Variants in SPNS1 observed in about 807,000 individuals in gnomAD.
The protein encoded by SPNS1 is protein spinster homolog 1.
A neutral mutation model predicts 50.3 loss-of-function variants in SPNS1; 22 were observed. That is an observed-to-expected ratio of 0.44 (90% CI 0.31 to 0.62). The LOEUF is 0.62. Among genes scored for constraint, SPNS1 ranks in the 20% least tolerant of loss-of-function variants. The pLI, the probability that SPNS1 is intolerant of heterozygous loss-of-function variation, is 0.07. For missense variants in SPNS1, 576 were observed against 728.6 expected, an observed-to-expected ratio of 0.79 and a Z score of 2.41; for synonymous variants, 295 against 317.4, an observed-to-expected ratio of 0.93 and a Z score of 0.75.
At position 28,983,324 on chromosome 16, in the gene SPNS1, T is replaced by C. The variant is rs1965623226; in HGVS notation, c.1320+34T>C. 6.4e-7 allele frequency: 1 copy of C among 1,565,464 alleles called. No homozygotes were observed. The highest frequency in any genetic ancestry group is 1.7e-5 in the Admixed American group (1 of 59,916). On this transcript the variant is annotated intron_variant, in intron 10 of 11. Coordinates refer to ENST00000311008, the MANE Select transcript of SPNS1 (RefSeq NM_032038.3). This position sits in a 1 kb window ranked among gnomAD's most constrained non-coding sequence, Gnocchi z 5.4. ...TATTTCTTGGCTGGCATGGGGTGGCTGGTGTCCTGAGCCTGGGCTGGATCA... is the reference window on the plus strand; with the variant it reads ...TATTTCTTGGCTGGCATGGGGTGGCCGGTGTCCTGAGCCTGGGCTGGATCA...
Position 28,974,916 on chromosome 16 carries a change from C to A in SPNS1, c.-236C>A, listed in dbSNP as rs1364858624. 5.9e-6 allele frequency: 9 copies of A among 1,520,944 alleles called. No individual in the cohort carries two copies. In the East Asian group the frequency reaches 2.2e-4, roughly 37 times the overall value. 94.2% of individuals were successfully genotyped at this position (1,520,944 alleles called of 1,614,324 possible). A position where few individuals can be genotyped will look rare whatever the true frequency, so the allele number is the denominator to read the frequency against. Reference sequence around the variant, plus strand: ...TGCCCTCTTCAGCCCGCTCCTGTCCCCGACATCACGTGTATTCCGCACGTC... The same window carrying A: ...TGCCCTCTTCAGCCCGCTCCTGTCCACGACATCACGTGTATTCCGCACGTC... On this transcript the variant is annotated 5_prime_UTR_variant, in exon 1 of 12. Transcript: ENST00000311008.
chr16:28,978,324 CT>C, intron 3 of SPNS1: 1 of 345,674 alleles, frequency 2.9e-6, no homozygotes, highest in Non-Finnish European at 5.4e-6. Context: ...CCCTCTCTCC[CT>C]CCTCTCATTC....
rs1965638525 is a variant in SPNS1 at position 28,983,635 on chromosome 16, G to A, written c.1321-151G>A. On this transcript the variant is annotated intron_variant, in intron 10 of 11. Transcript: ENST00000311008. The surrounding 1 kb of genome is among the most constrained non-coding windows in gnomAD (Gnocchi z 5.4). ...TCCCACCTCAGCCTCCTGAGTAGCT[G>A]GGATGATAGGCATGAGCCACTGCAT... 3 of 927,298 alleles carry A rather than the reference G, an allele frequency of 3.2e-6. No homozygotes were observed. Among genetic ancestry groups the A allele is most frequent in the Non-Finnish European group, 3.2e-6 (2 of 627,708 alleles). 57.4% of individuals were successfully genotyped at this position (927,298 alleles called of 1,614,324 possible).
chr16:28,978,086 C>T, intron 3 of SPNS1, 42 bp downstream of exon 3: 5 of 1,598,084 alleles, frequency 3.1e-6, no homozygotes, highest in Non-Finnish European at 4.3e-6. Context: ...CACACCCCCT[C>T]CCTGTCAGTC....
Position 28,982,023 on chromosome 16 carries a change from G to T in SPNS1, c.932G>T (p.Cys311Phe). The T allele has an allele frequency of 6.2e-7, 1 of 1,614,170 alleles. No homozygotes were observed. Among genetic ancestry groups the T allele is most frequent in the Non-Finnish European group, 8.5e-7 (1 of 1,180,036 alleles). The change falls in exon 7 of 12, where the codon TGC becomes TTC. Residue 311 changes from cysteine (C) to phenylalanine (F), a missense_variant. Cys to Phe is a radical substitution (Grantham distance 205). Transcript: ENST00000311008. ...GTGGTCCTTGGGGAGACCCCACCCT[G>T]CCTTCCCGGAGACTCCTGCTCTTCC... ...SRVVLGETPP[C>F]LPGDSCSSSD...
rs1965604495 is a variant in SPNS1 at position 28,982,890 on chromosome 16, A to C, written c.1189A>C (p.Met397Leu). The C allele has an allele frequency of 6.2e-7, 1 of 1,613,706 alleles. No individual in the cohort carries two copies. Among genetic ancestry groups the C allele is most frequent in the African/African-American group, 1.3e-5 (1 of 74,898 alleles). The part of the protein sequence containing the change: ...FIFIGETLLS[M>L]NWAIVADILL... ...CTTCATTGGAGAGACCCTCCTGTCCATGAACTGGGCCATCGTGGCCGACAT... is the reference window on the plus strand; with the variant it reads ...CTTCATTGGAGAGACCCTCCTGTCCCTGAACTGGGCCATCGTGGCCGACAT... Residue 397 changes from methionine to leucine, a missense_variant, in exon 9 of 12, where the codon ATG becomes CTG. Physicochemically the swap from Met to Leu is conservative, Grantham distance 15 (BLOSUM62 2). Transcript: ENST00000311008.
At chr16:28,984,021 C>T (rs1447867597) in intron 11 of SPNS1, 64 bp downstream of exon 11, 2 of 1,507,688 alleles carry the variant, frequency 1.3e-6, no homozygotes, top group Non-Finnish European at 1.8e-6. Flanking sequence ...CATCTGTCTG[C>T]CCACTCCTGT....
intron 2 of SPNS1, among the ~76,000 whole-genome samples, chr16:28,975,889 C>T (rs1237982351): frequency 1.3e-5 from 2 of 152,192 alleles, no homozygotes; most frequent in African/African-American, 4.8e-5. Flanking sequence ...TAACACGAAT[C>T]ATCTCTTAGG....
chr16:28,983,940 C>A lies in SPNS1; in HGVS notation c.1475C>A (p.Ala492Glu), dbSNP rs763513365. The A allele has an allele frequency of 6.3e-7, 1 of 1,589,332 alleles. No individual in the cohort carries two copies. Among genetic ancestry groups the A allele is most frequent in the Admixed American group, 1.7e-5 (1 of 58,082 alleles). The change falls in exon 11 of 12, where the codon GCA (alanine) becomes GAA (glutamate). Residue 492 changes from alanine (A) to glutamate (E), a missense_variant. Physicochemically the swap from Ala to Glu is moderately radical, Grantham distance 107. Coordinates refer to ENST00000311008, the MANE Select transcript of SPNS1 (RefSeq NM_032038.3). The surrounding 1 kb of genome is among the most constrained non-coding windows in gnomAD (Gnocchi z 5.4). ...TTCATTGAGGCCGACCGCCGGCGGGCACAGCTGCACGTGCAGGGTCAGTTA... is the reference window on the plus strand; with the variant it reads ...TTCATTGAGGCCGACCGCCGGCGGGAACAGCTGCACGTGCAGGGTCAGTTA... ...AIFIEADRRR[A>E]QLHVQGLLHE...
chr16:28,982,788 T>A (rs1965598495), intron 8 of SPNS1, 69 bp from the exon 9 acceptor site: 1 of 1,548,642 alleles, frequency 6.5e-7, no homozygotes, highest in African/African-American at 1.4e-5. Context: ...ATAGATGAGC[T>A]GGGAACATGG....
chr16:28,984,698 TC>T, downstream of SPNS1: 1 of 688,912 alleles, frequency 1.5e-6, no homozygotes, highest in Middle Eastern at 2.4e-4. Context: ...ACTGCTCTTC[TC>T]CGAGTGAGCT....
intron 2 of SPNS1, among the ~76,000 whole-genome samples, chr16:28,975,902 T>G (rs756078680): frequency 1.1e-4 from 17 of 152,186 alleles, no homozygotes; most frequent in Non-Finnish European, 2.1e-4. Context: ...CTCTTAGGAC[T>G]GATGTGAAGA....
At chr16:28,978,123 C>T in intron 3 of SPNS1, 79 bp downstream of exon 3, 1 of 1,549,684 alleles carries the variant, frequency 6.5e-7, no homozygotes, top group Non-Finnish European at 8.7e-7. Flanking sequence ...GGAGCTATGG[C>T]AGACTGGGCC....
intron 3 of SPNS1, chr16:28,978,430 C>T (rs773803533): frequency 5.4e-5 from 10 of 186,468 alleles, no homozygotes; most frequent in Non-Finnish European, 1.1e-4. Flanking sequence ...CACTTCCTCA[C>T]GCCTGCTCAC....
Position 28,983,069 on chromosome 16 carries a change from C to T in SPNS1, c.1222-123C>T, listed in dbSNP as rs573080487. On this transcript the variant is annotated intron_variant, in intron 9 of 11. Coordinates refer to ENST00000311008, the MANE Select transcript of SPNS1 (RefSeq NM_032038.3). This position sits in a 1 kb window ranked among gnomAD's most constrained non-coding sequence, Gnocchi z 5.4. ...TGTAGCAGACCCCCGGCCTGCCCTG[C>T]GACCTCAACCCCAGGCACACCTCTG... 29 of 1,198,718 alleles carry T rather than the reference C, an allele frequency of 2.4e-5. No homozygotes were observed. Among genetic ancestry groups the T allele is most frequent in the African/African-American group, 1.1e-4 (7 of 66,610 alleles). The allele number at this position is 1,198,718 out of a possible 1,614,324, so 74.3% of individuals were successfully genotyped here.
In SPNS1 at chr16:28,983,955, A is replaced by G; in HGVS notation, c.1490A>G (p.Gln497Arg). 1 of 1,577,284 alleles carries G rather than the reference A, an allele frequency of 6.3e-7. No individual in the cohort carries two copies. Among genetic ancestry groups the G allele is most frequent in the Non-Finnish European group, 8.6e-7 (1 of 1,167,240 alleles). Residue 497 changes from glutamine (Q) to arginine (R), a missense_variant and splice_region_variant, in exon 11 of 12, where the codon CAG (glutamine) becomes CGG (arginine). Physicochemically the swap from Gln to Arg is conservative, Grantham distance 43 (BLOSUM62 1). This residue lies in a region of SPNS1 where 428 missense variants were observed against 520.1 expected (regional missense o/e 0.82). Coordinates refer to ENST00000311008, the MANE Select transcript of SPNS1 (RefSeq NM_032038.3). The surrounding 1 kb of genome is among the most constrained non-coding windows in gnomAD (Gnocchi z 5.4). ...CGCCGGCGGGCACAGCTGCACGTGC[A>G]GGGTCAGTTAGGAGCTGTGCCCGGC... ...ADRRRAQLHV[Q>R]GLLHEAGSTD...
rs1965620679 is a variant in SPNS1 at position 28,983,264 on chromosome 16, G to A, written c.1294G>A (p.Ala432Thr). 6.2e-7 allele frequency: 1 copy of A among 1,614,122 alleles called. No individual in the cohort carries two copies. Among genetic ancestry groups the A allele is most frequent in the Non-Finnish European group, 8.5e-7 (1 of 1,180,002 alleles). ...QIVLSHLLGD[A>T]GSPYLIGLIS... ...CGTGCTGTCCCACCTGCTGGGTGAT[G>A]CTGGGAGCCCCTACCTCATTGGCCT... is the stretch of plus-strand genomic sequence containing the variant. Residue 432 changes from alanine to threonine, a missense_variant, in exon 10 of 12, where the codon GCT becomes ACT. Around this residue, in one of 3 missense-constraint regions of SPNS1, gnomAD observed 428 missense variants for 520.1 expected, o/e 0.82. Coordinates refer to ENST00000311008, the MANE Select transcript of SPNS1 (RefSeq NM_032038.3). This position sits in a 1 kb window ranked among gnomAD's most constrained non-coding sequence, Gnocchi z 5.4.
rs1489361035 is a variant in SPNS1, at chr16:28,982,462, G to C, written c.1072G>C (p.Val358Leu). The change falls in exon 8 of 12, where the codon GTC (valine) becomes CTC (leucine). Residue 358 changes from valine (V) to leucine (L), a missense_variant. Physicochemically the swap from Val to Leu is conservative, Grantham distance 32. This residue lies in a region of SPNS1 where 428 missense variants were observed against 520.1 expected (regional missense o/e 0.82). Coordinates refer to ENST00000311008, the MANE Select transcript of SPNS1 (RefSeq NM_032038.3). ...RHSNPRADPL[V>L]CATGLLGSAP... ...CTCCAACCCCCGGGCTGATCCCCTGGTCTGTGCCACTGGCCTCCTGGGCTC... is the reference window on the plus strand; with the variant it reads ...CTCCAACCCCCGGGCTGATCCCCTGCTCTGTGCCACTGGCCTCCTGGGCTC... The C allele has an allele frequency of 6.2e-7, 1 of 1,613,878 alleles. No homozygotes were observed. The highest frequency in any genetic ancestry group is 1.1e-5 in the South Asian group (1 of 91,076).
chr16:28,984,160 T>C (rs767874913), intron 11 of SPNS1, 45 bp from the exon 12 acceptor site: 1 of 1,521,582 alleles, frequency 6.6e-7, no homozygotes, highest in Admixed American at 2.1e-5. Context: ...TGGCTTTGTC[T>C]GTCTGTCCAT....
Sources: gnomAD v4.1 joint callset for allele counts (sites outside exome capture counted in the v4.1 genomes callset) on GRCh38, gnomAD v4.1.1 for gene constraint, gnomAD v4.1.1 regional missense constraint, Gnocchi (gnomAD v3.1) non-coding constraint, MANE v1.5 for transcripts, NCBI Gene and HGNC (gene_info 2026-07-23, HGNC 2026-07-21) for gene names.